Variants in PHACTR1 observed in about 807,000 individuals in gnomAD.
The protein encoded by PHACTR1 is phosphatase and actin regulator 1, also known as RPEL repeat containing 1.
Under a neutral mutation model 69.2 loss-of-function variants are expected in PHACTR1, and 16 were observed. The ratio of observed to expected loss-of-function variants is 0.23; its 90% CI spans 0.16 to 0.35. The LOEUF is 0.35. PHACTR1 is among the 10% of genes least tolerant of loss of function. PHACTR1 has a pLI of 1.00. For missense variants in PHACTR1, 510 were observed against 734.7 expected (o/e 0.69, Z 3.54); for synonymous variants, 312 against 284.5 (o/e 1.10, Z -0.97).
rs573495310 is a variant in PHACTR1, at chr6:13,078,099, G to A, written c.415+24570G>A. 3.4e-3 allele frequency among the ~76,000 whole-genome samples: 510 copies of A among 152,236 alleles called. 3 individuals are homozygous for A. The highest frequency in any genetic ancestry group is 0.012 in the African/African-American group (485 of 41,554). On this transcript the variant is annotated intron_variant, in intron 5 of 14. Coordinates refer to ENST00000332995, the MANE Select transcript of PHACTR1 (RefSeq NM_030948.6). Reference sequence around the variant, plus strand: ...GCTGGATTCTATCATGTCTCAGAAAGGACAGGAACACTCTTAACCCTATGG... The same window carrying A: ...GCTGGATTCTATCATGTCTCAGAAAAGACAGGAACACTCTTAACCCTATGG...
chr6:12,963,620 C>T (rs866422877), intron 4 of PHACTR1, among the ~76,000 whole-genome samples: 9 of 152,112 alleles, frequency 5.9e-5, no homozygotes, highest in African/African-American at 1.2e-4. Context: ...AGTTATGATC[C>T]GGGCGTTTTG....
At chr6:13,194,275 T>C (rs533708916) in intron 7 of PHACTR1, among the ~76,000 whole-genome samples, 37 of 151,978 alleles carry the variant, frequency 2.4e-4, no homozygotes, top group African/African-American at 8.0e-4. Flanking sequence ...TGGTGGCGCG[T>C]GCCTGTAGTC....
intron 4 of PHACTR1, among the ~76,000 whole-genome samples, chr6:12,958,730 A>G (rs760055643): frequency 3.3e-5 from 5 of 152,166 alleles, no homozygotes; most frequent in Non-Finnish European, 5.9e-5. Context: ...AGCTGCTCTA[A>G]ACAAAATATG....
chr6:13,262,721 T>A (rs1776077561), intron 10 of PHACTR1, among the ~76,000 whole-genome samples: 1 of 152,340 alleles, frequency 6.6e-6, no homozygotes, highest in Non-Finnish European at 1.5e-5. Flanking sequence ...CAAGCCCATC[T>A]ACACTTCTGG....
chr6:13,208,193 G>A (rs1766221755), intron 8 of PHACTR1, among the ~76,000 whole-genome samples: 4 of 152,070 alleles, frequency 2.6e-5, no homozygotes, highest in African/African-American at 7.2e-5. Context: ...CATCATCTAC[G>A]GAAACGGAGT....
intron 4 of PHACTR1, among the ~76,000 whole-genome samples, chr6:12,961,224 A>G (rs1446749405): frequency 6.6e-6 from 1 of 152,206 alleles, no homozygotes; most frequent in African/African-American, 2.4e-5. Context: ...GATAACACAA[A>G]TGTCTAAAAT....
At chr6:12,770,800 C>T (rs914602335) in intron 4 of PHACTR1, among the ~76,000 whole-genome samples, 9 of 151,878 alleles carry the variant, frequency 5.9e-5, no homozygotes, top group African/African-American at 1.7e-4. Flanking sequence ...TTAGAGGGAG[C>T]GATAGAAAAC....
intron 4 of PHACTR1, among the ~76,000 whole-genome samples, chr6:13,038,238 G>A (rs1470802298): frequency 6.6e-6 from 1 of 152,116 alleles, no homozygotes; most frequent in Non-Finnish European, 1.5e-5. Context: ...CTTGGCTGGT[G>A]TTACACAGCT....
chr6:12,893,965 A>C (rs1784399244), intron 4 of PHACTR1, among the ~76,000 whole-genome samples: 1 of 152,186 alleles, frequency 6.6e-6, no homozygotes, highest in Non-Finnish European at 1.5e-5. Flanking sequence ...TGATGATTAC[A>C]TGTCTGTCAG....
intron 8 of PHACTR1, among the ~76,000 whole-genome samples, chr6:13,207,284 A>T (rs540731935): frequency 6.6e-6 from 1 of 152,358 alleles, no homozygotes; most frequent in East Asian, 1.9e-4. Context: ...ATAAGAAAAG[A>T]TGAGGACTGG....
chr6:13,064,557 T>G (rs1425159356), intron 5 of PHACTR1, among the ~76,000 whole-genome samples: 2 of 1,410 alleles, frequency 1.4e-3, no homozygotes, highest in African/African-American at 4.2e-3. Flanking sequence ...GATATATATA[T>G]ATATATATAT....
intron 5 of PHACTR1, among the ~76,000 whole-genome samples, chr6:13,055,966 C>T (rs1806721681): frequency 6.6e-6 from 1 of 152,180 alleles, no homozygotes; most frequent in Non-Finnish European, 1.5e-5. Flanking sequence ...ATTAACGTGG[C>T]AGCTGAATGT....
intron 4 of PHACTR1, among the ~76,000 whole-genome samples, chr6:12,862,896 A>G (rs1781086327): frequency 6.6e-6 from 1 of 152,250 alleles, no homozygotes; most frequent in Non-Finnish European, 1.5e-5. Flanking sequence ...AATTGAAGCA[A>G]CTGTGTTGAA....
chr6:12,757,985 A>G (rs968187922), intron 4 of PHACTR1, among the ~76,000 whole-genome samples: 9 of 152,084 alleles, frequency 5.9e-5, no homozygotes, highest in Non-Finnish European at 8.8e-5. Context: ...GGTGGTGTGT[A>G]CCTGCAGTCC....
At chr6:12,753,964 ATATATAT>A (rs997380047) in intron 4 of PHACTR1, among the ~76,000 whole-genome samples, 11 of 37,428 alleles carry the variant, frequency 2.9e-4, no homozygotes, top group African/African-American at 1.9e-3. Context: ...ATATATATAT[ATATATAT>A]TTTTTTTTTG....
chr6:13,229,872 G>A (rs1562033156), intron 9 of PHACTR1, among the ~76,000 whole-genome samples, 165 bp from the exon 10 acceptor site: 1 of 152,248 alleles, frequency 6.6e-6, no homozygotes, highest in Non-Finnish European at 1.5e-5. Context: ...TAGGGGTAGA[G>A]TGTGTGGCAA....
At chr6:13,056,337 C>G (rs1328230129) in intron 5 of PHACTR1, among the ~76,000 whole-genome samples, 1 of 152,172 alleles carries the variant, frequency 6.6e-6, no homozygotes, top group Non-Finnish European at 1.5e-5. Context: ...GAGTTTAAGA[C>G]TTCAGTGAGC....
chr6:13,133,753 C>T (rs1377612569), intron 5 of PHACTR1, among the ~76,000 whole-genome samples: 2 of 151,982 alleles, frequency 1.3e-5, no homozygotes, highest in African/African-American at 4.8e-5. Flanking sequence ...TGCCTGGCCG[C>T]CCATCGTCTG....
chr6:12,846,768 A>G (rs1779320298), intron 4 of PHACTR1, among the ~76,000 whole-genome samples: 2 of 151,450 alleles, frequency 1.3e-5, no homozygotes, highest in South Asian at 2.1e-4. Context: ...GGTAATTGCA[A>G]CTACAGTTTA....
Sources: allele counts gnomAD v4.1 joint callset (sites outside exome capture counted in the v4.1 genomes callset), GRCh38; gene constraint gnomAD v4.1.1; transcripts MANE v1.5; gene names NCBI Gene and HGNC (gene_info 2026-07-23, HGNC 2026-07-21).